Variants in GRM8 observed in about 807,000 individuals in gnomAD.
The protein encoded by GRM8 is glutamate metabotropic receptor 8, also known as metabotropic glutamate receptor 8.
In GRM8, 47 loss-of-function variants were observed where a neutral mutation model predicts 87.2. That is an observed-to-expected ratio of 0.54 (90% CI 0.43 to 0.69). GRM8 has a LOEUF of 0.69. GRM8 is among the 30% of genes least tolerant of loss of function. The pLI is 0.00. For missense variants in GRM8, 1,019 were observed against 1,139.2 expected (o/e 0.89, Z 1.52); for synonymous variants, 396 against 404.5 (o/e 0.98, Z 0.25).
At chr7:126,575,318 C>T (rs1795018327) in intron 8 of GRM8, among the ~76,000 whole-genome samples, 1 of 151,402 alleles carries the variant, frequency 6.6e-6, no homozygotes, top group African/African-American at 2.4e-5. Context: ...CCCATCACCC[C>T]CAGATGGAAC....
At chr7:127,011,120 C>T (rs1814849858) in intron 3 of GRM8, among the ~76,000 whole-genome samples, 1 of 152,030 alleles carries the variant, frequency 6.6e-6, no homozygotes, top group Non-Finnish European at 1.5e-5. Flanking sequence ...ATTTAGGAGA[C>T]ATTTCTTTTG....
chr7:127,238,451 T>C (rs904555160), intron 2 of GRM8, among the ~76,000 whole-genome samples: 6 of 152,066 alleles, frequency 3.9e-5, no homozygotes, highest in Admixed American at 3.3e-4. Flanking sequence ...CTCATCTCAA[T>C]AAAAATAGTT....
rs1029880788 is a variant in GRM8 at position 127,100,265 on chromosome 7, G to A, written c.727+6231C>T. 5.3e-5 allele frequency among the ~76,000 whole-genome samples: 8 copies of A among 152,222 alleles called. No individual in the cohort carries two copies. In the East Asian group the frequency reaches 1.2e-3, roughly 22 times the overall value. On this transcript the variant is annotated intron_variant, in intron 3 of 10. Transcript: ENST00000339582. ...CCCTAACCCCAACCCTACTGTGCACGTTCAGCTATGCATTCTGGCAAAAGT... is the reference window on the plus strand; with the variant it reads ...CCCTAACCCCAACCCTACTGTGCACATTCAGCTATGCATTCTGGCAAAAGT...
chr7:126,642,638 T>TA (rs72431558), intron 7 of GRM8, among the ~76,000 whole-genome samples: 46,610 of 151,294 alleles, frequency 0.31, 8,053 homozygotes, highest in East Asian at 0.43. Context: ...AGACTCCATC[T>TA]AAAAAAAATA....
chr7:127,006,093 A>G (rs2132069225), intron 3 of GRM8, among the ~76,000 whole-genome samples: 1 of 152,036 alleles, frequency 6.6e-6, no homozygotes, highest in South Asian at 2.1e-4. Flanking sequence ...CTGAAAAACT[A>G]AAAGTAATCA....
chr7:126,748,250 T>C (rs1331169378), intron 7 of GRM8, among the ~76,000 whole-genome samples: 1 of 152,030 alleles, frequency 6.6e-6, no homozygotes, highest in Non-Finnish European at 1.5e-5. Flanking sequence ...TATGATTAAG[T>C]TGAAAGGCCT....
chr7:127,205,600 G>A (rs1274804801), intron 2 of GRM8, among the ~76,000 whole-genome samples: 4 of 152,156 alleles, frequency 2.6e-5, no homozygotes, highest in East Asian at 3.9e-4. Context: ...ACCACTGTTC[G>A]CCACTCTCTA....
intron 3 of GRM8, among the ~76,000 whole-genome samples, chr7:127,044,650 C>T (rs1818759392): frequency 6.6e-6 from 1 of 151,934 alleles, no homozygotes; most frequent in Admixed American, 6.6e-5. Flanking sequence ...GAAAGCAGAG[C>T]TAATTTAGAG....
At chr7:126,498,959 C>T (rs1809207708) in intron 9 of GRM8, among the ~76,000 whole-genome samples, 1 of 151,822 alleles carries the variant, frequency 6.6e-6, no homozygotes, top group South Asian at 2.1e-4. Flanking sequence ...AATATCATGA[C>T]AAGAATACAA....
chr7:126,450,784 GCTGAGC>G (rs1176883689), intron 9 of GRM8, among the ~76,000 whole-genome samples: 1 of 151,848 alleles, frequency 6.6e-6, no homozygotes, highest in Non-Finnish European at 1.5e-5. Flanking sequence ...AGCTTTGCTG[GCTGAGC>G]CTGAAACCAC....
chr7:127,027,284 G>A (rs971905880), intron 3 of GRM8, among the ~76,000 whole-genome samples: 1 of 152,120 alleles, frequency 6.6e-6, no homozygotes, highest in African/African-American at 2.4e-5. Context: ...CTCCAGCTTT[G>A]TTCTTTTTGC....
At chr7:126,981,407 T>C (rs1811514047) in intron 3 of GRM8, 1 of 152,274 alleles carries the variant, frequency 6.6e-6, no homozygotes, top group Admixed American at 6.5e-5. Context: ...TTTCTTACAG[T>C]TTAAGGAGAA....
At chr7:126,459,796 T>C (rs1426395115) in intron 9 of GRM8, among the ~76,000 whole-genome samples, 1 of 151,356 alleles carries the variant, frequency 6.6e-6, no homozygotes, top group Non-Finnish European at 1.5e-5. Context: ...TTGAGGAAGA[T>C]GTAAAGGGAA....
chr7:126,522,536 AAAAT>A (rs1813144071), intron 9 of GRM8, among the ~76,000 whole-genome samples: 1 of 152,190 alleles, frequency 6.6e-6, no homozygotes, highest in Non-Finnish European at 1.5e-5. Context: ...CCCACACTGG[AAAAT>A]ACTTTTTCAG....
intron 3 of GRM8, among the ~76,000 whole-genome samples, chr7:126,966,249 C>A (rs1809849975): frequency 6.6e-6 from 1 of 152,122 alleles, no homozygotes; most frequent in African/African-American, 2.4e-5. Context: ...ATCCTCCCAC[C>A]TCAGCCCCAC....
chr7:127,115,731 T>C (rs6945530), intron 2 of GRM8, among the ~76,000 whole-genome samples: 1,590 of 152,324 alleles, frequency 0.01, 34 homozygotes, highest in African/African-American at 0.035. Flanking sequence ...ATTGTTCTAA[T>C]CCATCAAGTC....
rs1285159535 is a variant in GRM8 at position 126,909,701 on chromosome 7, T to C, written c.728-5018A>G. 2.0e-5 allele frequency among the ~76,000 whole-genome samples: 3 copies of C among 152,238 alleles called. No homozygotes were observed. In the South Asian group the frequency reaches 6.2e-4, roughly 31 times the overall value. Reference sequence around the variant, plus strand: ...ATCATTTGTTGAATTTAACACTTTATGTATACTTTACAATACACATGATCA... The same window carrying C: ...ATCATTTGTTGAATTTAACACTTTACGTATACTTTACAATACACATGATCA... On this transcript the variant is annotated intron_variant, in intron 3 of 10. Transcript: ENST00000339582.
chr7:126,873,963 A>G (rs1486512327), intron 6 of GRM8, among the ~76,000 whole-genome samples: 1 of 152,146 alleles, frequency 6.6e-6, no homozygotes, highest in Non-Finnish European at 1.5e-5. Context: ...GTTATTCTTA[A>G]TGGGTTACCC....
At chr7:127,209,839 T>C (rs908836914) in intron 2 of GRM8, among the ~76,000 whole-genome samples, 1 of 152,180 alleles carries the variant, frequency 6.6e-6, no homozygotes, top group Non-Finnish European at 1.5e-5. Context: ...GAATTAAAAA[T>C]GAATGAATAT....
Sources: gnomAD v4.1 joint callset for allele counts (sites outside exome capture counted in the v4.1 genomes callset) on GRCh38, gnomAD v4.1.1 for gene constraint, MANE v1.5 for transcripts, NCBI Gene and HGNC (gene_info 2026-07-23, HGNC 2026-07-21) for gene names.